BCAS3: variants seen among roughly 807,000 people sequenced by gnomAD.
BCAS3 encodes BCAS4/BCAS3 fusion.
Under a neutral mutation model 116.1 loss-of-function variants are expected in BCAS3, and 53 were observed. The ratio of observed to expected loss-of-function variants is 0.46; its 90% CI spans 0.37 to 0.57. BCAS3 has a LOEUF of 0.57. BCAS3 is among the 20% of genes least tolerant of loss of function. BCAS3 has a pLI of 0.00. For synonymous variants in BCAS3, 391 were observed against 408.2 expected (o/e 0.96, Z 0.51); for missense variants, 917 against 1,165.4 (o/e 0.79, Z 3.10).
rs143022676 is a variant in BCAS3 at position 60,972,071 on chromosome 17, G to C, written c.1222-17900G>C. Among the ~76,000 whole-genome samples, 378 of 152,288 alleles carry C rather than the reference G, an allele frequency of 2.5e-3. 1 individual carries two copies. Among genetic ancestry groups the C allele is most frequent in the African/African-American group, 8.6e-3 (356 of 41,556 alleles). ...ACGTTGTTTCTGGCATATAATATGG[G>C]AAGGAACTGGAAGTCTAGTAGGTGG... On this transcript the variant is annotated intron_variant, in intron 14 of 23. Transcript: ENST00000407086.
At chr17:60,940,110 A>G (rs1043442072) in intron 13 of BCAS3, among the ~76,000 whole-genome samples, 3 of 152,244 alleles carry the variant, frequency 2.0e-5, no homozygotes, top group Non-Finnish European at 1.5e-5. Flanking sequence ...GAGGACGAAT[A>G]TAACAAATTA....
chr17:61,235,985 C>T lies in BCAS3; in HGVS notation c.2426-132342C>T, dbSNP rs1419893199. 6.6e-6 allele frequency among the ~76,000 whole-genome samples: 1 copy of T among 152,170 alleles called. No homozygotes were observed. Among genetic ancestry groups the T allele is most frequent in the Non-Finnish European group, 1.5e-5 (1 of 68,042 alleles). On this transcript the variant is annotated intron_variant, in intron 22 of 23. Transcript: ENST00000407086. This position sits in a 1 kb window ranked among gnomAD's most constrained non-coding sequence, Gnocchi z 5.0. ...AAACAAGAATTTGGACTGCAGCAGT[C>T]GGACCAGTTAAATTATAGTTAGTAA...
At position 61,032,426 on chromosome 17, in the gene BCAS3, A is replaced by C. The variant is rs1265531639; in HGVS notation, c.1638-2240A>C. Among the ~76,000 whole-genome samples the C allele has an allele frequency of 6.6e-6, 1 of 152,096 alleles. No homozygotes were observed. The highest frequency in any genetic ancestry group is 1.5e-5 in the Non-Finnish European group (1 of 67,990). On this transcript the variant is annotated intron_variant, in intron 16 of 23. Coordinates refer to ENST00000407086, the MANE Select transcript of BCAS3 (RefSeq NM_017679.5). This position sits in a 1 kb window ranked among gnomAD's most constrained non-coding sequence, Gnocchi z 4.6. ...CCGTTCCCCCAGCCACCATCTTCCC[A>C]AAACTCCTAAGGATTAAAAATGACC...
chr17:61,183,623 T>C (rs1261329032), intron 22 of BCAS3, among the ~76,000 whole-genome samples: 2 of 152,188 alleles, frequency 1.3e-5, no homozygotes, highest in African/African-American at 4.8e-5. Context: ...TGCAGTTTGC[T>C]GTGAGTTTAA....
chr17:60,690,231 A>C (rs1036822493), intron 4 of BCAS3, among the ~76,000 whole-genome samples: 8 of 152,116 alleles, frequency 5.3e-5, no homozygotes, highest in African/African-American at 1.9e-4. Flanking sequence ...AGTGTCCTCA[A>C]CGTTCATCTA....
intron 13 of BCAS3, among the ~76,000 whole-genome samples, chr17:60,937,717 T>G (rs535233390): frequency 1.2e-4 from 19 of 152,344 alleles, no homozygotes; most frequent in African/African-American, 4.1e-4. Context: ...TTATCTCTGC[T>G]TCCTGTCTTA....
At chr17:61,009,704 CTT>C (rs1237287390) in intron 15 of BCAS3, among the ~76,000 whole-genome samples, 2 of 151,894 alleles carry the variant, frequency 1.3e-5, no homozygotes, top group African/African-American at 4.8e-5. Context: ...CTGATAGTAA[CTT>C]TAATATTTAA....
intron 19 of BCAS3, among the ~76,000 whole-genome samples, chr17:61,043,503 C>G (rs1356093205): frequency 6.6e-6 from 1 of 151,946 alleles, no homozygotes; most frequent in Non-Finnish European, 1.5e-5. Flanking sequence ...AAAAAATAAT[C>G]GCTCCCTGCC....
intron 7 of BCAS3, among the ~76,000 whole-genome samples, chr17:60,849,922 C>T (rs1467749906): frequency 6.6e-6 from 1 of 152,012 alleles, no homozygotes; most frequent in African/African-American, 2.4e-5. Flanking sequence ...CCGTGCCTCG[C>T]TGATTTTTTA....
chr17:61,201,325 G>C (rs1005646), intron 22 of BCAS3, among the ~76,000 whole-genome samples: 135,329 of 152,208 alleles, frequency 0.89, 60,754 homozygotes, highest in Non-Finnish European at 0.96. Flanking sequence ...TGTATTTGTT[G>C]TGAATTTGTT....
At chr17:61,353,298 G>A (rs1200097547) in intron 22 of BCAS3, among the ~76,000 whole-genome samples, 5 of 152,234 alleles carry the variant, frequency 3.3e-5, no homozygotes, top group African/African-American at 1.2e-4. Flanking sequence ...GGGGAGTAGG[G>A]TGTGGGCAGT....
At chr17:60,815,283 G>A (rs151244861) in intron 7 of BCAS3, among the ~76,000 whole-genome samples, 3 of 152,014 alleles carry the variant, frequency 2.0e-5, no homozygotes, top group Admixed American at 6.6e-5. Flanking sequence ...ATCACACACC[G>A]GGGCCTGTCA....
rs777862183 is a variant in BCAS3, at chr17:61,200,355, CAACT to C, written c.2425+115795_2425+115798del. On this transcript the variant is annotated intron_variant, in intron 22 of 23. Transcript: ENST00000407086. The surrounding 1 kb of genome is among the most constrained non-coding windows in gnomAD (Gnocchi z 5.1). ...GCAGTACACTGTTTGATAATAGTGACAACTAACATCAATTTGGCACTTACTATTG... is the reference window on the plus strand; with the variant it reads ...GCAGTACACTGTTTGATAATAGTGACAACATCAATTTGGCACTTACTATTG... Among the ~76,000 whole-genome samples, 1 of 152,184 alleles carries C rather than the reference CAACT, an allele frequency of 6.6e-6. No homozygotes were observed. Among genetic ancestry groups the C allele is most frequent in the Non-Finnish European group, 1.5e-5 (1 of 68,036 alleles).
At chr17:61,043,773 T>G (rs972685257) in intron 19 of BCAS3, among the ~76,000 whole-genome samples, 1 of 152,044 alleles carries the variant, frequency 6.6e-6, no homozygotes, top group Non-Finnish European at 1.5e-5. Flanking sequence ...CAACTCTGAA[T>G]GAATGAATAC....
At chr17:61,085,392 A>G (rs2073006400) in intron 22 of BCAS3, among the ~76,000 whole-genome samples, 1 of 152,224 alleles carries the variant, frequency 6.6e-6, no homozygotes, top group Admixed American at 6.5e-5. Context: ...GCGATTTCAA[A>G]ATCCCTAGAG....
intron 13 of BCAS3, among the ~76,000 whole-genome samples, chr17:60,928,726 C>CT (rs1427541390): frequency 1.3e-5 from 2 of 152,130 alleles, no homozygotes; most frequent in African/African-American, 2.4e-5. Context: ...TTTTTTCCTT[C>CT]TTTTTTTAAT....
rs569014994 is a variant in BCAS3, at chr17:60,751,646, G to A, written c.403+4367G>A. On this transcript the variant is annotated intron_variant, in intron 6 of 23. Transcript: ENST00000407086. ...CAACCTCCATCTTCTGGGTTTAAGCGATTCTCCTGCCTCAGCCTCCCGAGT... is the reference window on the plus strand; with the variant it reads ...CAACCTCCATCTTCTGGGTTTAAGCAATTCTCCTGCCTCAGCCTCCCGAGT... Among the ~76,000 whole-genome samples the A allele has an allele frequency of 1.1e-4, 16 of 151,596 alleles. No individual in the cohort carries two copies. The East Asian group carries it at 2.1e-3, about 20-fold the overall frequency.
rs1339669627 is a variant in BCAS3 at position 60,964,286 on chromosome 17, A to G, written c.1221+16934A>G. On this transcript the variant is annotated intron_variant, in intron 14 of 23. Transcript: ENST00000407086. The surrounding 1 kb of genome is among the most constrained non-coding windows in gnomAD (Gnocchi z 4.6). Reference sequence around the variant, plus strand: ...TTTATAAAATACTTTTTCAGTATCTATTGAAATATGTGGTTTTTGTTTTTG... The same window carrying G: ...TTTATAAAATACTTTTTCAGTATCTGTTGAAATATGTGGTTTTTGTTTTTG... Among the ~76,000 whole-genome samples, 1 of 152,110 alleles carries G rather than the reference A, an allele frequency of 6.6e-6. No homozygotes were observed. Among genetic ancestry groups the G allele is most frequent in the Non-Finnish European group, 1.5e-5 (1 of 68,024 alleles).
chr17:60,770,798 C>T (rs1291515152), intron 6 of BCAS3, among the ~76,000 whole-genome samples: 1 of 145,424 alleles, frequency 6.9e-6, no homozygotes, highest in Non-Finnish European at 1.5e-5. Flanking sequence ...ATACTATCTG[C>T]AGTAGTCAGC....
Sources: allele counts gnomAD v4.1 joint callset (sites outside exome capture counted in the v4.1 genomes callset), GRCh38; gene constraint gnomAD v4.1.1; non-coding constraint Gnocchi (gnomAD v3.1); transcripts MANE v1.5; gene names NCBI Gene and HGNC (gene_info 2026-07-23, HGNC 2026-07-21).